RAB3IP: variants seen among roughly 807,000 people sequenced by gnomAD.
RAB3IP encodes the protein rab-3A-interacting protein.
RAB3IP carries 36 observed loss-of-function variants against 59.1 expected under a neutral mutation model. The ratio of observed to expected loss-of-function variants is 0.61; its 90% CI spans 0.47 to 0.80. The LOEUF is 0.80. RAB3IP is among the 30% of genes least tolerant of loss of function. The probability of loss-of-function intolerance (pLI) is 0.00; values close to 1 mark genes in which losing one functional copy is unlikely to be tolerated. For missense variants in RAB3IP, 511 were observed against 536.0 expected (o/e 0.95, Z 0.46); for synonymous variants, 207 against 191.2 (o/e 1.08, Z -0.68).
intron 4 of RAB3IP, 66 bp from the exon 5 acceptor site, chr12:69,794,371 T>C (rs1382257668): frequency 7.5e-7 from 1 of 1,335,384 alleles, no homozygotes; most frequent in Non-Finnish European, 1.1e-6. Flanking sequence ...TTGTAAACAT[T>C]TGGCAAGAAC....
chr12:69,771,152 C>G (rs953923961), intron 3 of RAB3IP, among the ~76,000 whole-genome samples: 1 of 152,142 alleles, frequency 6.6e-6, no homozygotes, highest in Admixed American at 6.5e-5. Context: ...ATGATGTCCT[C>G]TAGGCTTACC....
At chr12:69,767,791 G>T (rs1004259702) in intron 3 of RAB3IP, among the ~76,000 whole-genome samples, 6 of 151,994 alleles carry the variant, frequency 3.9e-5, no homozygotes, top group African/African-American at 1.5e-4. Context: ...GACAGAACCT[G>T]CCTGCCCCAG....
At chr12:69,790,258 A>G (rs1876386045) in intron 4 of RAB3IP, among the ~76,000 whole-genome samples, 2 of 152,218 alleles carry the variant, frequency 1.3e-5, no homozygotes, top group South Asian at 4.1e-4. Context: ...ATACATGGAC[A>G]ACCAGTTACC....
At chr12:69,763,717 G>T (rs1649265962) in intron 3 of RAB3IP, among the ~76,000 whole-genome samples, 1 of 151,956 alleles carries the variant, frequency 6.6e-6, no homozygotes. Flanking sequence ...TGTCACCCTG[G>T]TACTGAGCAT....
intron 3 of RAB3IP, among the ~76,000 whole-genome samples, chr12:69,766,759 C>G (rs1311663185): frequency 6.6e-6 from 1 of 152,030 alleles, no homozygotes; most frequent in African/African-American, 2.4e-5. Flanking sequence ...CTCCTGACCT[C>G]AGGTGATCCA....
Position 69,819,136 on chromosome 12 carries a change from C to T in RAB3IP, c.*3690C>T, listed in dbSNP as rs1881439216. The T allele has an allele frequency of 3.3e-5, 5 of 152,130 alleles. No homozygotes were observed. Among genetic ancestry groups the T allele is most frequent in the African/African-American group, 1.2e-4 (5 of 41,418 alleles). The allele number at this position is 152,130 out of a possible 1,614,324, so 9.4% of individuals were successfully genotyped here. A position where few individuals can be genotyped will look rare whatever the true frequency, so the allele number is the denominator to read the frequency against. On this transcript the variant is annotated 3_prime_UTR_variant, in exon 11 of 11. Coordinates refer to ENST00000247833, the MANE Select transcript of RAB3IP (RefSeq NM_022456.5). ...TGGACAAATGAATAAGAGAGTTATG[C>T]ATGGAACATCGGTGGTGTATTATGA...
At chr12:69,754,343 GCACACACA>G (rs57626649) in intron 1 of RAB3IP, among the ~76,000 whole-genome samples, 1 of 132,832 alleles carries the variant, frequency 7.5e-6, no homozygotes, top group East Asian at 2.1e-4. Flanking sequence ...AGATACACGG[GCACACACA>G]CACACACACA....
chr12:69,791,696 A>C (rs1307149407), intron 4 of RAB3IP, among the ~76,000 whole-genome samples: 1 of 152,202 alleles, frequency 6.6e-6, no homozygotes, highest in African/African-American at 2.4e-5. Context: ...GAGAAAAGGA[A>C]CTTGTCCACT....
chr12:69,794,544 A>G (rs1300159557), intron 5 of RAB3IP, 30 bp downstream of exon 5: 1 of 1,545,222 alleles, frequency 6.5e-7, no homozygotes, highest in Non-Finnish European at 8.9e-7. Context: ...AATAGTATAA[A>G]ATAAATTTGT....
intron 3 of RAB3IP, among the ~76,000 whole-genome samples, chr12:69,773,231 GT>G (rs1302991546): frequency 1.3e-5 from 2 of 151,744 alleles, no homozygotes; most frequent in Admixed American, 6.6e-5. Context: ...TCCCCTCCTT[GT>G]CTTTGATCTT....
rs761736777 is a variant in RAB3IP at position 69,813,086 on chromosome 12, A to G, written c.1300+53A>G. ...TTTACATAAAAGTTCAGCAAAAAGT[A>G]TAAGTAAAGTTCAACAAAAAGTATA... is the stretch of plus-strand genomic sequence containing the variant. On this transcript the variant is annotated intron_variant, in intron 10 of 10. Coordinates refer to ENST00000247833, the MANE Select transcript of RAB3IP (RefSeq NM_022456.5). 365 of 1,348,194 alleles carry G rather than the reference A, an allele frequency of 2.7e-4. 1 individual carries two copies. The highest frequency in any genetic ancestry group is 3.6e-4 in the Non-Finnish European group (349 of 963,690). The allele number at this position is 1,348,194 out of a possible 1,614,324, so 83.5% of individuals were successfully genotyped here. A position where few individuals can be genotyped will look rare whatever the true frequency, so the allele number is the denominator to read the frequency against.
At chr12:69,802,223 CA>C (rs767485161) in intron 8 of RAB3IP, among the ~76,000 whole-genome samples, 308 of 151,920 alleles carry the variant, frequency 2.0e-3, no homozygotes, top group Admixed American at 6.1e-3. Context: ...GGGTGACCAT[CA>C]AAAATAGTTT....
chr12:69,750,542 C>G (rs565542634), intron 1 of RAB3IP, among the ~76,000 whole-genome samples: 4 of 119,426 alleles, frequency 3.3e-5, no homozygotes, highest in African/African-American at 1.2e-4. Context: ...CCCTCTACCT[C>G]GTTTTTTTTT....
intron 4 of RAB3IP, among the ~76,000 whole-genome samples, chr12:69,785,376 A>G (rs1195130790): frequency 6.6e-6 from 1 of 152,152 alleles, no homozygotes; most frequent in Non-Finnish European, 1.5e-5. Context: ...ATATACATGT[A>G]TAGAGAGATA....
intron 1 of RAB3IP, chr12:69,739,702 A>C (rs1013528172): frequency 5.0e-5 from 39 of 783,194 alleles, no homozygotes; most frequent in Non-Finnish European, 8.1e-5. Context: ...GGGGGAGTTG[A>C]GACGAACTGC....
intron 3 of RAB3IP, chr12:69,779,235 C>T (rs868029619): frequency 9.0e-5 from 13 of 143,652 alleles, no homozygotes; most frequent in Non-Finnish European, 1.4e-4. Flanking sequence ...TGACCCCTTG[C>T]GCTTCCCAGG....
chr12:69,813,471 G>A lies in RAB3IP; in HGVS notation c.1300+438G>A, dbSNP rs7967210. ...TTTCCCTGTATTTTCTACTTTTTGCGTGTGAATTAATAAAGCAGTCATGAG... is the reference window on the plus strand; with the variant it reads ...TTTCCCTGTATTTTCTACTTTTTGCATGTGAATTAATAAAGCAGTCATGAG... On this transcript the variant is annotated intron_variant, in intron 10 of 10. Transcript: ENST00000247833. Among the ~76,000 whole-genome samples the A allele has an allele frequency of 3.6e-3, 551 of 152,154 alleles. 9 individuals carry two copies. Among genetic ancestry groups the A allele is most frequent in the African/African-American group, 0.012 (510 of 41,530 alleles).
At chr12:69,760,194 A>G (rs1429789402) in intron 3 of RAB3IP, among the ~76,000 whole-genome samples, 2 of 152,250 alleles carry the variant, frequency 1.3e-5, no homozygotes, top group Non-Finnish European at 2.9e-5. Context: ...CCCGGCCAAC[A>G]CAGCGAAACC....
At chr12:69,767,500 G>A (rs916485035) in intron 3 of RAB3IP, among the ~76,000 whole-genome samples, 2 of 152,242 alleles carry the variant, frequency 1.3e-5, no homozygotes, top group African/African-American at 4.8e-5. Flanking sequence ...AAACACCAGT[G>A]CTGACGGTGA....
Sources: gnomAD v4.1 joint callset for allele counts (sites outside exome capture counted in the v4.1 genomes callset) on GRCh38, gnomAD v4.1.1 for gene constraint, MANE v1.5 for transcripts, NCBI Gene and HGNC (gene_info 2026-07-23, HGNC 2026-07-21) for gene names.